Variants in CSMD1 observed in about 807,000 individuals in gnomAD.
CSMD1 encodes CUB and Sushi multiple domains 1, also known as CUB and sushi domain-containing protein 1.
CSMD1 carries 213 observed loss-of-function variants against 417.5 expected under a neutral mutation model. The ratio of observed to expected loss-of-function variants is 0.51; its 90% confidence interval spans 0.46 to 0.57. CSMD1 has a LOEUF of 0.57. Among genes scored for constraint, CSMD1 ranks in the 20% least tolerant of loss-of-function variants. The pLI is 0.00. For synonymous variants in CSMD1, 2,862 were observed against 1,736.8 expected (o/e 1.65, Z -16.11); for missense variants, 6,923 against 4,529.7 (o/e 1.53, Z -15.17).
intron 3 of CSMD1, among the ~76,000 whole-genome samples, chr8:4,379,740 A>G (rs1802982534): frequency 6.6e-6 from 1 of 152,020 alleles, no homozygotes; most frequent in African/African-American, 2.4e-5. Context: ...GGCAGAAAGT[A>G]TGATAAATGA....
At chr8:4,462,154 T>G (rs980873569) in intron 2 of CSMD1, among the ~76,000 whole-genome samples, 7 of 151,966 alleles carry the variant, frequency 4.6e-5, no homozygotes, top group African/African-American at 1.5e-4. Context: ...GGATTACAGG[T>G]GTGAGCCACC....
chr8:3,451,519 C>T (rs577963539), intron 12 of CSMD1, among the ~76,000 whole-genome samples: 1 of 152,308 alleles, frequency 6.6e-6, no homozygotes, highest in South Asian at 2.1e-4. Context: ...GATTCAGTTT[C>T]GTCTTTCTAC....
At chr8:4,206,299 C>A (rs891691670) in intron 3 of CSMD1, among the ~76,000 whole-genome samples, 7 of 152,020 alleles carry the variant, frequency 4.6e-5, no homozygotes, top group African/African-American at 2.4e-5. Flanking sequence ...CACCCATTAA[C>A]TTGTCATTTA....
chr8:4,961,270 C>T (rs1809463528), intron 1 of CSMD1, among the ~76,000 whole-genome samples: 3 of 151,968 alleles, frequency 2.0e-5, no homozygotes, highest in Non-Finnish European at 1.5e-5. Context: ...ATATTTTATC[C>T]CATCAAACGC....
Position 3,214,504 on chromosome 8 carries a change from G to C in CSMD1, c.4860C>G (p.Ser1620=). ...ACCCAAGCGTGCACTCACCATTGCA[G>C]GAGGGCAGCACTTGGTCCCAGGAGG... ...GKPSWDQVLP[S]CNAPCGGQYT... is the part of the protein sequence containing the mutation. Residue 1620 remains serine (S), a synonymous_variant, in exon 30 of 70, where the codon TCC becomes TCG. Transcript: ENST00000635120. 2.5e-6 allele frequency: 4 copies of C among 1,592,776 alleles called. No individual in the cohort carries two copies. The highest frequency in any genetic ancestry group is 3.4e-6 in the Non-Finnish European group (4 of 1,169,714).
intron 39 of CSMD1, among the ~76,000 whole-genome samples, chr8:3,155,269 G>A (rs1819444008): frequency 6.6e-6 from 1 of 151,010 alleles, no homozygotes; most frequent in African/African-American, 2.4e-5. Context: ...AAAATAAATA[G>A]GCAGATTGAT....
chr8:4,089,935 G>A (rs1800629023), intron 3 of CSMD1, among the ~76,000 whole-genome samples: 1 of 152,118 alleles, frequency 6.6e-6, no homozygotes, highest in South Asian at 2.1e-4. Flanking sequence ...AATATTACAT[G>A]TATTATTGTT....
At chr8:3,080,758 T>A (rs1232306356) in intron 49 of CSMD1, among the ~76,000 whole-genome samples, 1 of 152,184 alleles carries the variant, frequency 6.6e-6, no homozygotes, top group African/African-American at 2.4e-5. Flanking sequence ...TCTCAATAAT[T>A]CTGGGACGTA....
chr8:4,335,323 C>CG (rs746673833), intron 3 of CSMD1, among the ~76,000 whole-genome samples: 2 of 152,086 alleles, frequency 1.3e-5, no homozygotes, highest in Non-Finnish European at 2.9e-5. Context: ...ATTTCAACCT[C>CG]GGACTTTTGT....
At position 4,991,930 on chromosome 8, in the gene CSMD1, G is replaced by T. The variant is rs565156588; in HGVS notation, c.85+2402C>A. On this transcript the variant is annotated intron_variant, in intron 1 of 69. Coordinates refer to ENST00000635120, the MANE Select transcript of CSMD1 (RefSeq NM_033225.6). ...AGGAGCTCCACGGACCCACTGCCTC[G>T]TGGGCCAGACAATAGCGCAGTGAGA... Among the ~76,000 whole-genome samples the T allele has an allele frequency of 2.0e-5, 3 of 152,258 alleles. No individual in the cohort carries two copies. In the East Asian group the frequency reaches 5.8e-4, roughly 30 times the overall value.
At chr8:3,228,813 T>G (rs1210922370) in intron 27 of CSMD1, among the ~76,000 whole-genome samples, 1 of 150,212 alleles carries the variant, frequency 6.7e-6, no homozygotes, top group African/African-American at 2.4e-5. Flanking sequence ...ACTGTAAAAG[T>G]AGGCCATTGG....
In CSMD1 at chr8:4,115,389, A is replaced by C. The variant is rs115043534; in HGVS notation, c.416-83290T>G. On this transcript the variant is annotated intron_variant, in intron 3 of 69. Transcript: ENST00000635120. ...ACTACTGTGTACACATAATTTTCAT[A>C]TGCACTAAGCCAACATATTCCTATG... Among the ~76,000 whole-genome samples the C allele has an allele frequency of 3.8e-3, 577 of 152,350 alleles. 6 individuals carry two copies. Among genetic ancestry groups the C allele is most frequent in the African/African-American group, 0.013 (536 of 41,590 alleles).
intron 25 of CSMD1, among the ~76,000 whole-genome samples, chr8:3,304,991 A>G (rs576256133): frequency 1.5e-4 from 23 of 152,328 alleles, no homozygotes; most frequent in African/African-American, 5.5e-4. Context: ...AGTGGTTTTT[A>G]CATTACTCAA....
intron 40 of CSMD1, among the ~76,000 whole-genome samples, chr8:3,143,117 C>A (rs62490183): frequency 0.2 from 29,874 of 152,134 alleles, 3,667 homozygotes; most frequent in South Asian, 0.44. Context: ...ACAACAACAA[C>A]AACAATTTTG....
At position 3,383,553 on chromosome 8, in the gene CSMD1, G is replaced by A. The variant is rs571309296; in HGVS notation, c.2782+3941C>T. On this transcript the variant is annotated intron_variant, in intron 18 of 69. Transcript: ENST00000635120. ...TCCACACTAGGAAAACCTCATGCACGAATGAAAACAGTGAAATATGGGACT... is the reference window on the plus strand; with the variant it reads ...TCCACACTAGGAAAACCTCATGCACAAATGAAAACAGTGAAATATGGGACT... Among the ~76,000 whole-genome samples the A allele has an allele frequency of 1.7e-3, 260 of 151,998 alleles. 2 individuals carry two copies. The South Asian group carries it at 0.027, about 16-fold the overall frequency.
chr8:3,870,089 T>C (rs1805376672), intron 5 of CSMD1, among the ~76,000 whole-genome samples: 2 of 152,202 alleles, frequency 1.3e-5, no homozygotes, highest in South Asian at 4.1e-4. Flanking sequence ...ATTATTAAGT[T>C]ATCTACTAAT....
At chr8:4,442,397 G>A (rs780997588) in intron 2 of CSMD1, among the ~76,000 whole-genome samples, 8 of 152,026 alleles carry the variant, frequency 5.3e-5, no homozygotes, top group Non-Finnish European at 2.9e-5. Flanking sequence ...CAAAGCCTAC[G>A]TTTCCAGTCC....
intron 10 of CSMD1, among the ~76,000 whole-genome samples, chr8:3,561,813 T>G (rs552955817): frequency 2.0e-5 from 3 of 152,108 alleles, no homozygotes; most frequent in Admixed American, 6.6e-5. Context: ...AAAAAAGTAG[T>G]ATCTATAAAG....
intron 5 of CSMD1, among the ~76,000 whole-genome samples, chr8:3,847,710 C>T (rs1299145187): frequency 1.3e-5 from 2 of 152,110 alleles, no homozygotes; most frequent in Non-Finnish European, 2.9e-5. Flanking sequence ...ATACAGAATG[C>T]TTCCTTATAG....
Sources: allele counts gnomAD v4.1 joint callset (sites outside exome capture counted in the v4.1 genomes callset), GRCh38; gene constraint gnomAD v4.1.1; transcripts MANE v1.5; gene names NCBI Gene and HGNC (gene_info 2026-07-23, HGNC 2026-07-21).